DLG2: variants seen among roughly 807,000 people sequenced by gnomAD.
DLG2 encodes discs large MAGUK scaffold protein 2, also known as disks large homolog 2.
Under a neutral mutation model 132.5 loss-of-function variants are expected in DLG2, and 45 were observed. The observed-to-expected ratio is 0.34, with a 90% CI of 0.27 to 0.44. The LOEUF (loss-of-function observed/expected upper bound fraction) is 0.44. DLG2 is among the 20% of genes least tolerant of loss of function. DLG2 has a pLI of 1.00. For missense variants in DLG2, 1,045 were observed against 1,196.9 expected (o/e 0.87, Z 1.87); for synonymous variants, 424 against 419.6 (o/e 1.01, Z -0.13).
At chr11:84,062,930 T>C (rs1485947973) in intron 10 of DLG2, among the ~76,000 whole-genome samples, 1 of 152,138 alleles carries the variant, frequency 6.6e-6, no homozygotes, top group African/African-American at 2.4e-5. Context: ...TAGATAAACT[T>C]TGTGAGTAAA....
At chr11:84,919,207 A>T (rs964224524) in intron 6 of DLG2, among the ~76,000 whole-genome samples, 1 of 152,142 alleles carries the variant, frequency 6.6e-6, no homozygotes, top group Non-Finnish European at 1.5e-5. Flanking sequence ...AGTTATTACT[A>T]TAGTCTAAGA....
At chr11:85,571,577 G>A (rs1748754975) in intron 3 of DLG2, among the ~76,000 whole-genome samples, 1 of 152,148 alleles carries the variant, frequency 6.6e-6, no homozygotes, top group South Asian at 2.1e-4. Context: ...CTTTGAACTT[G>A]CTCAGATTAA....
At chr11:84,500,961 G>GA (rs967294246) in intron 7 of DLG2, among the ~76,000 whole-genome samples, 1 of 151,984 alleles carries the variant, frequency 6.6e-6, no homozygotes, top group African/African-American at 2.4e-5. Flanking sequence ...TCACTTATAT[G>GA]AAAAAAAGTT....
At chr11:85,114,156 G>A (rs554090809) in intron 5 of DLG2, among the ~76,000 whole-genome samples, 11 of 152,032 alleles carry the variant, frequency 7.2e-5, no homozygotes, top group Admixed American at 2.0e-4. Context: ...CTTTTTCCTC[G>A]AAGTCTTCAT....
chr11:84,290,950 GTAAC>G (rs540663734), intron 7 of DLG2, among the ~76,000 whole-genome samples: 3 of 152,096 alleles, frequency 2.0e-5, no homozygotes, highest in South Asian at 2.1e-4. Flanking sequence ...GGGAAGAAAA[GTAAC>G]TAACCCCTAT....
intron 16 of DLG2, among the ~76,000 whole-genome samples, chr11:83,846,603 T>C (rs1467250964): frequency 6.6e-6 from 1 of 152,210 alleles, no homozygotes; most frequent in Non-Finnish European, 1.5e-5. Flanking sequence ...GTCTGAGTTC[T>C]TTGTAAAACT....
At chr11:84,380,593 T>TA (rs1056956681) in intron 7 of DLG2, among the ~76,000 whole-genome samples, 2 of 151,774 alleles carry the variant, frequency 1.3e-5, no homozygotes, top group African/African-American at 4.8e-5. Flanking sequence ...GAAGAAAACT[T>TA]ATAGCCTTAA....
chr11:83,670,416 G>C (rs920691367), intron 18 of DLG2, among the ~76,000 whole-genome samples: 1 of 151,716 alleles, frequency 6.6e-6, no homozygotes, highest in Non-Finnish European at 1.5e-5. Context: ...CTCTATATAT[G>C]GAGTCTCAAT....
At chr11:84,528,481 G>C (rs566418323) in intron 7 of DLG2, among the ~76,000 whole-genome samples, 1 of 152,166 alleles carries the variant, frequency 6.6e-6, no homozygotes, top group African/African-American at 2.4e-5. Flanking sequence ...CTGTGACAGT[G>C]AGATTATTCA....
chr11:85,289,939 C>T (rs2078790459), intron 3 of DLG2, among the ~76,000 whole-genome samples: 1 of 152,120 alleles, frequency 6.6e-6, no homozygotes, highest in African/African-American at 2.4e-5. Flanking sequence ...GTTCACCCAC[C>T]TGTTTTCAAC....
At chr11:83,538,979 A>G (rs2095978495) in intron 20 of DLG2, among the ~76,000 whole-genome samples, 1 of 152,208 alleles carries the variant, frequency 6.6e-6, no homozygotes, top group Admixed American at 6.5e-5. Flanking sequence ...CCTGGATTCA[A>G]ATTCCAGTTC....
At chr11:84,066,064 C>T (rs1235942188) in intron 10 of DLG2, among the ~76,000 whole-genome samples, 2 of 152,020 alleles carry the variant, frequency 1.3e-5, no homozygotes, top group Non-Finnish European at 2.9e-5. Flanking sequence ...CTGGGTCCTA[C>T]TTGAGAGTGG....
chr11:85,116,333 AG>A (rs2073570409), intron 5 of DLG2, among the ~76,000 whole-genome samples: 1 of 149,768 alleles, frequency 6.7e-6, no homozygotes, highest in South Asian at 2.3e-4. Context: ...TTTTTCAAAA[AG>A]TTTGAGGAAA....
chr11:83,558,749 TTGAC>T (rs1364904495), intron 19 of DLG2, among the ~76,000 whole-genome samples: 1 of 152,040 alleles, frequency 6.6e-6, no homozygotes, highest in Non-Finnish European at 1.5e-5. Context: ...CCCTCAGAGG[TTGAC>T]TGACTAATTA....
chr11:84,895,038 GATAAGCCAC>G (rs2090000005), intron 6 of DLG2, among the ~76,000 whole-genome samples: 1 of 152,042 alleles, frequency 6.6e-6, no homozygotes, highest in Admixed American at 6.6e-5. Flanking sequence ...TATGACATTG[GATAAGCCAC>G]TTACATATTC....
chr11:83,472,549 T>C (rs966246699), intron 23 of DLG2, among the ~76,000 whole-genome samples, 178 bp downstream of exon 23: 6 of 152,126 alleles, frequency 3.9e-5, no homozygotes, highest in Non-Finnish European at 8.8e-5. Flanking sequence ...AGTTGTCTGT[T>C]TGGTGATAGG....
intron 8 of DLG2, among the ~76,000 whole-genome samples, chr11:84,214,262 AAT>A (rs200249136): frequency 7.8e-6 from 1 of 128,884 alleles, no homozygotes; most frequent in African/African-American, 4.3e-5. Flanking sequence ...CATATATATG[AAT>A]ATATATACAC....
intron 3 of DLG2, among the ~76,000 whole-genome samples, chr11:85,555,387 C>T (rs2076884188): frequency 6.6e-6 from 1 of 151,802 alleles, no homozygotes; most frequent in Non-Finnish European, 1.5e-5. Flanking sequence ...GCTCATGTAA[C>T]CTCAATGCAC....
chr11:83,643,730 A>G (rs367794879), intron 18 of DLG2: 2 of 152,134 alleles, frequency 1.3e-5, no homozygotes, highest in African/African-American at 2.4e-5. Flanking sequence ...TAGAGCCACA[A>G]TGGGAAGACC....
Sources: allele counts gnomAD v4.1 joint callset (sites outside exome capture counted in the v4.1 genomes callset), GRCh38; gene constraint gnomAD v4.1.1; transcripts MANE v1.5; gene names NCBI Gene and HGNC (gene_info 2026-07-23, HGNC 2026-07-21).